Variants in TUBGCP2 observed in about 807,000 individuals in gnomAD.
The protein encoded by TUBGCP2 is gamma-tubulin complex component 2.
Under a neutral mutation model 92.2 loss-of-function variants are expected in TUBGCP2, and 55 were observed. The observed-to-expected ratio is 0.60, with a 90% CI of 0.48 to 0.75. TUBGCP2 has a LOEUF of 0.75. TUBGCP2 is among the 30% of genes least tolerant of loss of function. The probability of loss-of-function intolerance (pLI) is 0.00; values close to 1 mark genes in which losing one functional copy is unlikely to be tolerated. For missense variants in TUBGCP2, 1,093 were observed against 1,188.9 expected, an observed-to-expected ratio of 0.92 and a Z score of 1.19; for synonymous variants, 533 against 505.2, an observed-to-expected ratio of 1.06 and a Z score of -0.74.
At chr10:133,289,632 T>A (rs767256095) in intron 9 of TUBGCP2, among the ~76,000 whole-genome samples, 192 bp downstream of exon 9, 2 of 152,056 alleles carry the variant, frequency 1.3e-5, no homozygotes, top group Non-Finnish European at 2.9e-5. Flanking sequence ...ACAGAGACCA[T>A]CTCAAGGCCT....
chr10:133,293,028 C>T lies in TUBGCP2; in HGVS notation c.1024+11G>A, dbSNP rs773973257. On this transcript the variant is annotated intron_variant, in intron 7 of 17. Transcript: ENST00000252936. ...CCACCACTGCCCCATGCCCCCCGGG[C>T]GGGCACGCACCGAGGGAGGCCAGGA... 11 of 1,611,324 alleles carry T rather than the reference C, an allele frequency of 6.8e-6. No homozygotes were observed. Among genetic ancestry groups the T allele is most frequent in the African/African-American group, 1.3e-5 (1 of 74,882 alleles).
Position 133,288,131 on chromosome 10 carries a change from T to C in TUBGCP2, c.1720A>G (p.Lys574Glu). The change falls in exon 11 of 18, where the codon AAG becomes GAG. Residue 574 changes from lysine to glutamate, a missense_variant and splice_region_variant. Physicochemically the swap from Lys to Glu is moderately conservative, Grantham distance 56. Coordinates refer to ENST00000252936, the MANE Select transcript of TUBGCP2 (RefSeq NM_006659.4). ...CAGCCCCCGGCACCCCCACCCACCT[T>C]GAGGTCGTCCTTGAAGGGGTCAGTG... ...ANTDPFKDDL[K>E]IDLMPHDLIT... 3 of 1,609,328 alleles carry C rather than the reference T, an allele frequency of 1.9e-6. No individual in the cohort carries two copies. Among genetic ancestry groups the C allele is most frequent in the Non-Finnish European group, 2.5e-6 (3 of 1,176,832 alleles).
chr10:133,292,944 G>T, intron 7 of TUBGCP2, 95 bp downstream of exon 7: 1 of 1,402,524 alleles, frequency 7.1e-7, no homozygotes, highest in Non-Finnish European at 9.7e-7. Flanking sequence ...CTGGGCAGCT[G>T]CTCCACGGCC....
Position 133,279,641 on chromosome 10 carries a change from C to A in TUBGCP2, c.*125G>T. 7.4e-7 allele frequency: 1 copy of A among 1,344,658 alleles called. No homozygotes were observed. Among genetic ancestry groups the A allele is most frequent in the Non-Finnish European group, 9.7e-7 (1 of 1,035,964 alleles). The allele number at this position is 1,344,658 out of a possible 1,614,324, so 83.3% of individuals were successfully genotyped here. ...CCTTGAGAAACAAAGTGAGCTGAGT[C>A]AATCATTCCTGCTTTATATTTAAAC... On this transcript the variant is annotated 3_prime_UTR_variant, in exon 18 of 18. Coordinates refer to ENST00000252936, the MANE Select transcript of TUBGCP2 (RefSeq NM_006659.4).
intron 1 of TUBGCP2, among the ~76,000 whole-genome samples, chr10:133,305,675 C>T (rs1214998290): frequency 6.6e-6 from 1 of 152,084 alleles, no homozygotes; most frequent in African/African-American, 2.4e-5. Flanking sequence ...GACTCGACAC[C>T]GAGATTCTAA....
At chr10:133,299,875 G>T in intron 3 of TUBGCP2, 110 bp downstream of exon 3, 2 of 1,443,624 alleles carry the variant, frequency 1.4e-6, no homozygotes, top group Non-Finnish European at 1.9e-6. Context: ...CGTTACTGGT[G>T]TGAGCGAGGA....
chr10:133,299,460 A>T lies in TUBGCP2; in HGVS notation c.423T>A (p.Leu141=). The T allele has an allele frequency of 2.5e-6, 4 of 1,610,194 alleles. No individual in the cohort carries two copies. Among genetic ancestry groups the T allele is most frequent in the Non-Finnish European group, 3.4e-6 (4 of 1,179,638 alleles). The change falls in exon 4 of 18, where the codon CTT becomes CTA. Residue 141 remains leucine, a synonymous_variant. Transcript: ENST00000252936. ...MQELEELRKQ[L]GSVATGSTLQ... is the part of the protein sequence containing the mutation. ...GCGTGGAGCCTGTGGCCACGCTGCC[A>T]AGCTGCTTCCTCAGTTCCTCAAGCT...
In TUBGCP2 at chr10:133,300,037, C is replaced by T; in HGVS notation, c.227G>A (p.Arg76Lys). ...KYDELKSKNT[R>K]NLDPLVYLLS... ...CAGGTACACCAGCGGGTCAAGGTTC[C>T]TTGTATTTTTAGATTTCAGTTCATC... Residue 76 changes from arginine (R) to lysine (K), a missense_variant, in exon 3 of 18, where the codon AGG (arginine) becomes AAG (lysine). Transcript: ENST00000252936. 6.2e-7 allele frequency: 1 copy of T among 1,614,118 alleles called. No individual in the cohort carries two copies.
In TUBGCP2 at chr10:133,279,797, G is replaced by A. The variant is rs1846918202; in HGVS notation, c.2678C>T (p.Pro893Leu). Residue 893 changes from proline to leucine, a missense_variant, in exon 18 of 18, where the codon CCT becomes CTT. Around this residue, in one of 3 missense-constraint regions of TUBGCP2, gnomAD observed 598 missense variants for 675.5 expected, o/e 0.89. Coordinates refer to ENST00000252936, the MANE Select transcript of TUBGCP2 (RefSeq NM_006659.4). The stretch of plus-strand genomic sequence containing the variant: ...TGCGGTGACTGCGACCCTGGGTGCA[G>A]GAGCCGGGGGCCCCCGCAGGACAGG... ...QVPVLRGPPAPAPRVAVTAQ is the reference protein window; with the variant it reads ...QVPVLRGPPALAPRVAVTAQ 5 of 1,569,404 alleles carry A rather than the reference G, an allele frequency of 3.2e-6. No homozygotes were observed. The South Asian group carries it at 4.7e-5, about 15-fold the overall frequency.
upstream of TUBGCP2, chr10:133,309,768 C>T: frequency 1.9e-6 from 3 of 1,612,530 alleles, no homozygotes; most frequent in Non-Finnish European, 2.5e-6. Flanking sequence ...AGCACGTCTC[C>T]TTGGCAGGGT....
rs1458646861 is a variant in TUBGCP2 at position 133,279,739 on chromosome 10, A to G, written c.*27T>C. The G allele has an allele frequency of 2.6e-6, 4 of 1,541,402 alleles. No homozygotes were observed. The highest frequency in any genetic ancestry group is 3.5e-6 in the Non-Finnish European group (4 of 1,142,054). On this transcript the variant is annotated 3_prime_UTR_variant, in exon 18 of 18. Coordinates refer to ENST00000252936, the MANE Select transcript of TUBGCP2 (RefSeq NM_006659.4). ...TTGCACCAGTCCCTGCTGACCCCAC[A>G]CCCTTCCTTCCTGTCACAGCCAGGG...
chr10:133,304,991 A>T (rs935180070), intron 1 of TUBGCP2, among the ~76,000 whole-genome samples: 1 of 151,832 alleles, frequency 6.6e-6, no homozygotes, highest in Non-Finnish European at 1.5e-5. Context: ...AAGGAAAAAC[A>T]CCCGCTACTT....
rs1439576941 is a variant in TUBGCP2, at chr10:133,289,013, A to G, written c.1368T>C (p.Tyr456=). The change falls in exon 10 of 18, where the codon TAT becomes TAC. Residue 456 remains tyrosine, a synonymous_variant. Coordinates refer to ENST00000252936, the MANE Select transcript of TUBGCP2 (RefSeq NM_006659.4). The part of the protein sequence containing the change: ...MADKILSTGK[Y]LNVVRECGHD... ...GGCCACACTCTCTGACCACATTTAG[A>G]TATTTTCCTGAAAACACAGAAATTC... 3 of 1,607,980 alleles carry G rather than the reference A, an allele frequency of 1.9e-6. No individual in the cohort carries two copies. Among genetic ancestry groups the G allele is most frequent in the African/African-American group, 1.3e-5 (1 of 74,610 alleles).
Position 133,288,124 on chromosome 10 carries a change from C to T in TUBGCP2, c.1722+5G>A. 6.2e-7 allele frequency: 1 copy of T among 1,606,288 alleles called. No individual in the cohort carries two copies. The highest frequency in any genetic ancestry group is 1.1e-5 in the South Asian group (1 of 90,948). ...CAGGGGACAGCCCCCGGCACCCCCA[C>T]CCACCTTGAGGTCGTCCTTGAAGGG... On this transcript the variant is annotated splice_donor_5th_base_variant and intron_variant, in intron 11 of 17. Transcript: ENST00000252936.
intron 2 of TUBGCP2, chr10:133,302,220 C>T: frequency 2.4e-5 from 4 of 165,520 alleles, no homozygotes; most frequent in South Asian, 1.5e-4. Context: ...AGACCAAGTG[C>T]TGTCTGCCAT....
intron 2 of TUBGCP2, chr10:133,301,834 C>T (rs945739583): frequency 1.3e-5 from 2 of 151,614 alleles, no homozygotes; most frequent in Non-Finnish European, 2.9e-5. Flanking sequence ...CCTGCCTCAG[C>T]CCCCCGAGTA....
At chr10:133,287,162 A>G (rs550925543) in intron 11 of TUBGCP2, among the ~76,000 whole-genome samples, 138 of 152,392 alleles carry the variant, frequency 9.1e-4, no homozygotes, top group Non-Finnish European at 3.1e-4. Flanking sequence ...CTAGAAACCC[A>G]TGAACTGTGC....
chr10:133,282,046 G>C (rs1399999963), intron 16 of TUBGCP2, among the ~76,000 whole-genome samples, 177 bp downstream of exon 16: 2 of 152,264 alleles, frequency 1.3e-5, no homozygotes, highest in Admixed American at 1.3e-4. Context: ...AGAGAGCTGA[G>C]AAGATTGTGA....
At chr10:133,311,740 G>T (rs756019334), upstream of TUBGCP2, 1 of 1,613,592 alleles carries the variant, frequency 6.2e-7, no homozygotes. Flanking sequence ...AAGCCCCAGG[G>T]GACAGTGGAG....
Sources: gnomAD v4.1 joint callset for allele counts (sites outside exome capture counted in the v4.1 genomes callset) on GRCh38, gnomAD v4.1.1 for gene constraint, gnomAD v4.1.1 regional missense constraint, MANE v1.5 for transcripts, NCBI Gene and HGNC (gene_info 2026-07-23, HGNC 2026-07-21) for gene names.